Variants in CNTNAP2 observed in about 807,000 individuals in gnomAD.
CNTNAP2 encodes the protein contactin associated protein 2.
In CNTNAP2, 98 loss-of-function variants were observed where a neutral mutation model predicts 155.2. The observed-to-expected ratio is 0.63, with a 90% CI of 0.54 to 0.75. The LOEUF (loss-of-function observed/expected upper bound fraction) is 0.75. Ranked by LOEUF, CNTNAP2 falls within the 30% of genes least tolerant of loss-of-function variation. CNTNAP2 has a pLI of 0.00. For synonymous variants in CNTNAP2, 651 were observed against 631.2 expected, an observed-to-expected ratio of 1.03 and a Z score of -0.47; for missense variants, 1,727 against 1,688.1, an observed-to-expected ratio of 1.02 and a Z score of -0.40.
chr7:147,349,561 C>G (rs1296475552), intron 9 of CNTNAP2, among the ~76,000 whole-genome samples: 1 of 151,702 alleles, frequency 6.6e-6, no homozygotes, highest in African/African-American at 2.4e-5. Flanking sequence ...ATATAACATT[C>G]CAAATTAAAT....
intron 3 of CNTNAP2, among the ~76,000 whole-genome samples, chr7:147,034,103 TC>T (rs1449762474): frequency 1.3e-5 from 2 of 152,150 alleles, no homozygotes; most frequent in Non-Finnish European, 2.9e-5. Flanking sequence ...AGTGGGGACT[TC>T]CTGGAACCAA....
chr7:147,896,358 G>A (rs750659326), intron 13 of CNTNAP2, among the ~76,000 whole-genome samples: 8 of 152,266 alleles, frequency 5.3e-5, no homozygotes, highest in Admixed American at 1.3e-4. Flanking sequence ...CACCTTGCCC[G>A]CTGCCTAGAC....
At chr7:147,712,892 A>T (rs1796422031) in intron 13 of CNTNAP2, among the ~76,000 whole-genome samples, 1 of 151,488 alleles carries the variant, frequency 6.6e-6, no homozygotes, top group Non-Finnish European at 1.5e-5. Context: ...TTAAAGTATA[A>T]TAATAAAAAA....
intron 13 of CNTNAP2, among the ~76,000 whole-genome samples, chr7:147,808,543 T>C (rs1261323765): frequency 1.3e-5 from 2 of 152,234 alleles, no homozygotes; most frequent in African/African-American, 4.8e-5. Flanking sequence ...CACTTCCCTG[T>C]GTCTAACCCT....
intron 15 of CNTNAP2, among the ~76,000 whole-genome samples, chr7:147,999,674 AC>A (rs1395490331): frequency 6.6e-6 from 1 of 152,156 alleles, no homozygotes; most frequent in African/African-American, 2.4e-5. Context: ...ATGAGGCCAT[AC>A]TGAATTGGGG....
chr7:147,536,174 G>C (rs898654318), intron 11 of CNTNAP2, among the ~76,000 whole-genome samples: 41 of 152,122 alleles, frequency 2.7e-4, no homozygotes, highest in African/African-American at 8.2e-4. Flanking sequence ...TCTTTTCCCA[G>C]CATTTTAAAA....
intron 10 of CNTNAP2, among the ~76,000 whole-genome samples, chr7:147,406,952 C>T (rs1042029734): frequency 8.5e-5 from 13 of 152,128 alleles, no homozygotes; most frequent in Non-Finnish European, 1.6e-4. Flanking sequence ...CGAGTCGCAG[C>T]TGTTATACTT....
intron 15 of CNTNAP2, among the ~76,000 whole-genome samples, chr7:147,983,610 C>T (rs1801570216): frequency 1.3e-5 from 2 of 152,136 alleles, no homozygotes; most frequent in Admixed American, 1.3e-4. Context: ...AGACATAAGA[C>T]ATCAATCAAT....
intron 1 of CNTNAP2, among the ~76,000 whole-genome samples, chr7:146,341,366 C>A (rs1794724127): frequency 6.6e-6 from 1 of 152,048 alleles, no homozygotes; most frequent in Non-Finnish European, 1.5e-5. Flanking sequence ...TACTAATTTT[C>A]ATTGCAATTA....
At chr7:147,294,294 A>G (rs1805380809) in intron 8 of CNTNAP2, among the ~76,000 whole-genome samples, 2 of 152,154 alleles carry the variant, frequency 1.3e-5, no homozygotes, top group African/African-American at 2.4e-5. Flanking sequence ...TAAATCATTT[A>G]GAAAGTTCAT....
chr7:147,219,500 A>G (rs1803347140), intron 8 of CNTNAP2, among the ~76,000 whole-genome samples: 1 of 152,212 alleles, frequency 6.6e-6, no homozygotes, highest in Non-Finnish European at 1.5e-5. Flanking sequence ...GATGAAGGCC[A>G]GAAGACTAAG....
At chr7:148,349,939 G>T (rs1452091385) in intron 21 of CNTNAP2, among the ~76,000 whole-genome samples, 1 of 152,164 alleles carries the variant, frequency 6.6e-6, no homozygotes, top group East Asian at 1.9e-4. Flanking sequence ...TAGCGAGAGG[G>T]CCTCACAGGC....
intron 17 of CNTNAP2, among the ~76,000 whole-genome samples, chr7:148,161,909 T>C (rs999793439): frequency 2.0e-5 from 3 of 152,164 alleles, no homozygotes; most frequent in African/African-American, 7.2e-5. Context: ...TCTCTTCTTT[T>C]TCCTCCACCC....
intron 13 of CNTNAP2, among the ~76,000 whole-genome samples, chr7:147,901,226 A>G (rs1444949688): frequency 6.6e-6 from 1 of 152,168 alleles, no homozygotes; most frequent in East Asian, 1.9e-4. Context: ...AGAGCATCAC[A>G]TCTAGCCTCC....
intron 9 of CNTNAP2, among the ~76,000 whole-genome samples, chr7:147,393,663 A>G (rs1796761049): frequency 6.6e-6 from 1 of 152,058 alleles, no homozygotes; most frequent in South Asian, 2.1e-4. Flanking sequence ...ACCTAATATC[A>G]GCATTTTTCT....
At chr7:147,261,701 A>G (rs559970359) in intron 8 of CNTNAP2, among the ~76,000 whole-genome samples, 78 of 152,332 alleles carry the variant, frequency 5.1e-4, no homozygotes, top group Non-Finnish European at 9.4e-4. Context: ...AAAATCCATG[A>G]ATATTCAGTG....
intron 13 of CNTNAP2, among the ~76,000 whole-genome samples, chr7:147,841,842 A>G (rs1798738050): frequency 6.6e-6 from 1 of 152,190 alleles, no homozygotes; most frequent in Admixed American, 6.5e-5. Flanking sequence ...TTCAATAACA[A>G]TATAAGAAAA....
At chr7:146,947,384 T>TTCTCTCTCTC (rs66835656) in intron 3 of CNTNAP2, among the ~76,000 whole-genome samples, 2 of 128,408 alleles carry the variant, frequency 1.6e-5, no homozygotes, top group African/African-American at 6.1e-5. Context: ...CCTTCTCTCT[T>TTCTCTCTCTC]TCTCTCTCTC....
At chr7:147,744,777 T>G (rs1797010613) in intron 13 of CNTNAP2, among the ~76,000 whole-genome samples, 1 of 152,158 alleles carries the variant, frequency 6.6e-6, no homozygotes, top group Non-Finnish European at 1.5e-5. Flanking sequence ...CAGAGCTCTC[T>G]TTCTCTTCTA....
Sources: gnomAD v4.1 joint callset for allele counts (sites outside exome capture counted in the v4.1 genomes callset) on GRCh38, gnomAD v4.1.1 for gene constraint, MANE v1.5 for transcripts, NCBI Gene and HGNC (gene_info 2026-07-23, HGNC 2026-07-21) for gene names.